Variants in DENND1A observed in about 807,000 individuals in gnomAD.
The protein encoded by DENND1A is DENN domain containing 1A.
A neutral mutation model predicts 113.7 loss-of-function variants in DENND1A; 51 were observed. That is an observed-to-expected ratio of 0.45 (90% confidence interval 0.36 to 0.57). The LOEUF (loss-of-function observed/expected upper bound fraction) is 0.57, where lower values mean the gene tolerates loss of function less well. DENND1A is among the 20% of genes least tolerant of loss of function. DENND1A has a pLI of 0.00. For synonymous variants in DENND1A, 565 were observed against 570.8 expected (o/e 0.99, Z 0.14); for missense variants, 1,258 against 1,395.9 (o/e 0.90, Z 1.57).
rs1248702151 is a variant in DENND1A at position 123,757,689 on chromosome 9, G to C, written c.302+14C>G. On this transcript the variant is annotated intron_variant, in intron 5 of 23. Coordinates refer to ENST00000394215, the MANE Select transcript of DENND1A (RefSeq NM_001352964.2). ...TTCAGAGAACAAGCCAACAGCCCAA[G>C]CCTTCTCCCTTACCTTAAGATACAG... 1 of 1,613,226 alleles carries C rather than the reference G, an allele frequency of 6.2e-7. No homozygotes were observed. The highest frequency in any genetic ancestry group is 1.3e-5 in the African/African-American group (1 of 75,034).
At chr9:123,578,142 A>G (rs1160550128) in intron 12 of DENND1A, among the ~76,000 whole-genome samples, 1 of 152,154 alleles carries the variant, frequency 6.6e-6, no homozygotes, top group Non-Finnish European at 1.5e-5. Flanking sequence ...TGATACTCTC[A>G]CTTGCAAATG....
At chr9:123,604,957 A>G (rs956141386) in intron 11 of DENND1A, among the ~76,000 whole-genome samples, 2 of 152,178 alleles carry the variant, frequency 1.3e-5, no homozygotes, top group African/African-American at 4.8e-5. Context: ...GGCATCTGAT[A>G]GGCATTATCT....
intron 11 of DENND1A, among the ~76,000 whole-genome samples, chr9:123,598,034 T>C (rs899729867): frequency 6.6e-6 from 1 of 152,204 alleles, no homozygotes; most frequent in African/African-American, 2.4e-5. Context: ...AAATAGCTAT[T>C]GCACAGACAG....
At chr9:123,419,271 A>G (rs1406528229) in intron 19 of DENND1A, among the ~76,000 whole-genome samples, 1 of 152,204 alleles carries the variant, frequency 6.6e-6, no homozygotes, top group Non-Finnish European at 1.5e-5. Flanking sequence ...TAGCCTCTGA[A>G]GCTGGCCCCA....
intron 11 of DENND1A, among the ~76,000 whole-genome samples, chr9:123,591,595 C>G (rs1246524439): frequency 6.6e-6 from 1 of 152,242 alleles, no homozygotes; most frequent in Non-Finnish European, 1.5e-5. Flanking sequence ...ATCTTTTCTG[C>G]TGTCCTCAGA....
chr9:123,451,199 T>C (rs2047697200), intron 17 of DENND1A, among the ~76,000 whole-genome samples: 1 of 152,226 alleles, frequency 6.6e-6, no homozygotes, highest in South Asian at 2.1e-4. Flanking sequence ...TACAGTGCCA[T>C]TTCCTAAATC....
intron 13 of DENND1A, among the ~76,000 whole-genome samples, chr9:123,551,942 C>T (rs1255682697): frequency 1.3e-5 from 2 of 151,876 alleles, no homozygotes; most frequent in African/African-American, 2.4e-5. Context: ...GCTCAGGAGT[C>T]CCCCAGCCAG....
chr9:123,717,417 T>C (rs903237623), intron 5 of DENND1A, among the ~76,000 whole-genome samples: 4 of 152,116 alleles, frequency 2.6e-5, no homozygotes, highest in Non-Finnish European at 4.4e-5. Context: ...ACTTTACAGA[T>C]AAGGAAAGAG....
chr9:123,612,824 C>G (rs986931808), intron 10 of DENND1A, among the ~76,000 whole-genome samples: 1 of 152,164 alleles, frequency 6.6e-6, no homozygotes, highest in African/African-American at 2.4e-5. Flanking sequence ...TAAGGCAGTA[C>G]CTGGCCTAGT....
At chr9:123,392,653 C>T (rs991414063) in intron 21 of DENND1A, among the ~76,000 whole-genome samples, 13 of 152,192 alleles carry the variant, frequency 8.5e-5, no homozygotes, top group African/African-American at 2.7e-4. Flanking sequence ...CTGAACCTAA[C>T]TTTCTTGTTT....
At chr9:123,874,557 T>C (rs1201217571) in intron 2 of DENND1A, among the ~76,000 whole-genome samples, 1 of 151,836 alleles carries the variant, frequency 6.6e-6, no homozygotes, top group East Asian at 1.9e-4. Flanking sequence ...AGCCCAGGAG[T>C]TCGAGGCTGC....
chr9:123,407,444 ACTCACACACACACCCC>A (rs766677454), intron 20 of DENND1A, among the ~76,000 whole-genome samples: 181 of 152,128 alleles, frequency 1.2e-3, no homozygotes, highest in Admixed American at 2.0e-3. Flanking sequence ...TGACTCACAC[ACTCACACACACACCCC>A]CTCACACACA....
chr9:123,539,931 G>A (rs1288668593), intron 13 of DENND1A, among the ~76,000 whole-genome samples: 2 of 151,650 alleles, frequency 1.3e-5, no homozygotes, highest in African/African-American at 2.4e-5. Flanking sequence ...GATTAAGGCA[G>A]TTTTATGTTT....
chr9:123,621,430 A>AC (rs1453851618), intron 10 of DENND1A, among the ~76,000 whole-genome samples: 2 of 151,824 alleles, frequency 1.3e-5, no homozygotes, highest in Admixed American at 1.3e-4. Context: ...CAAGTGATCC[A>AC]CCCCCTTGGC....
chr9:123,568,974 G>A (rs928652352), intron 12 of DENND1A, among the ~76,000 whole-genome samples: 5 of 152,162 alleles, frequency 3.3e-5, no homozygotes, highest in African/African-American at 1.2e-4. Context: ...TAGTGGGAAC[G>A]GCCAAATATT....
intron 5 of DENND1A, among the ~76,000 whole-genome samples, chr9:123,743,325 C>T (rs1465566955): frequency 2.0e-5 from 3 of 151,324 alleles, no homozygotes; most frequent in African/African-American, 7.3e-5. Context: ...CACTTGAACT[C>T]AGGAGGCAGA....
chr9:123,907,669 A>G (rs1802820779), intron 1 of DENND1A, among the ~76,000 whole-genome samples: 1 of 150,742 alleles, frequency 6.6e-6, no homozygotes, highest in Admixed American at 6.6e-5. Flanking sequence ...AAGGAGAATT[A>G]CAAACCACTG....
chr9:123,630,411 G>C lies in DENND1A; in HGVS notation c.684C>G (p.Ile228Met). 6.2e-7 allele frequency: 1 copy of C among 1,604,358 alleles called. No individual in the cohort carries two copies. The highest frequency in any genetic ancestry group is 8.5e-7 in the Non-Finnish European group (1 of 1,174,950). ...LYPMYWQHVY[I>M]PVLPPHLLDY... is the part of the protein sequence containing the mutation. ...CCAGCAGATGCGGCGGCAGCACGGG[G>C]ATGTACACGTGCTGCCAGTACATGG... is the stretch of plus-strand genomic sequence containing the variant. The change falls in exon 10 of 24, where the codon ATC (isoleucine) becomes ATG (methionine). Residue 228 changes from isoleucine to methionine, a missense_variant. Physicochemically the swap from Ile to Met is conservative, Grantham distance 10. Around this residue, in one of 2 missense-constraint regions of DENND1A, gnomAD observed 1,159 missense variants for 1,231.7 expected, o/e 0.94. Transcript: ENST00000394215.
At chr9:123,703,036 T>C (rs186413693) in intron 5 of DENND1A, among the ~76,000 whole-genome samples, 472 of 152,310 alleles carry the variant, frequency 3.1e-3, no homozygotes, top group Admixed American at 0.011. Context: ...GGCTGGAGTG[T>C]AGTGGCGCGA....
Sources: gnomAD v4.1 joint callset for allele counts (sites outside exome capture counted in the v4.1 genomes callset) on GRCh38, gnomAD v4.1.1 for gene constraint, gnomAD v4.1.1 regional missense constraint, MANE v1.5 for transcripts, NCBI Gene and HGNC (gene_info 2026-07-23, HGNC 2026-07-21) for gene names.